Variants in ATP5ME observed in about 807,000 individuals in gnomAD.
ATP5ME encodes the protein ATP synthase F(0) complex subunit e, mitochondrial.
Under a neutral mutation model 11.6 loss-of-function variants are expected in ATP5ME, and 10 were observed. The ratio of observed to expected loss-of-function variants is 0.86; its 90% CI spans 0.53 to 1.46. The LOEUF (loss-of-function observed/expected upper bound fraction) is 1.46, where lower values mean the gene tolerates loss of function less well. Among genes scored for constraint, ATP5ME ranks in the 40% most tolerant of loss-of-function variants. The pLI, the probability that ATP5ME is intolerant of heterozygous loss-of-function variation, is 0.00. For synonymous variants in ATP5ME, 45 were observed against 33.5 expected (o/e 1.34, Z -1.19); for missense variants, 115 against 85.4 (o/e 1.35, Z -1.37).
chr4:673,359 G>A lies in ATP5ME; in HGVS notation c.134C>T (p.Ala45Val). The A allele has an allele frequency of 4.3e-6, 7 of 1,614,148 alleles. No individual in the cohort carries two copies. In the East Asian group the frequency reaches 1.6e-4, roughly 36 times the overall value. ...PRAEEERRIA[A>V]EEKKKQDELK... The stretch of plus-strand genomic sequence containing the variant: ...TTCATCCTGCTTCTTCTTCTCTTCT[G>A]CTGCTATCCTCCTCTCCTCTTCTGC... The change falls in exon 3 of 4, where the codon GCA (alanine) becomes GTA (valine). Residue 45 changes from alanine (A) to valine (V), a missense_variant. Ala to Val is a moderately conservative substitution (Grantham distance 64). Coordinates refer to ENST00000304312, the MANE Select transcript of ATP5ME (RefSeq NM_007100.4).
intron 2 of ATP5ME, 143 bp downstream of exon 2, chr4:673,769 G>T (rs1577321486): frequency 1.7e-6 from 2 of 1,205,608 alleles, no homozygotes. Flanking sequence ...TCCACTATCG[G>T]GGTCACGCTC....
chr4:672,592 A>T, intron 3 of ATP5ME, 73 bp from the exon 4 acceptor site: 1 of 1,311,832 alleles, frequency 7.6e-7, no homozygotes, highest in Non-Finnish European at 1.1e-6. Context: ...TCAGCTTCCC[A>T]GTTATTTTTT....
chr4:673,442 G>A (rs1256185933), intron 2 of ATP5ME, 41 bp from the exon 3 acceptor site: 1 of 1,613,454 alleles, frequency 6.2e-7, no homozygotes, highest in Non-Finnish European at 8.5e-7. Context: ...CACTGGAAAT[G>A]CTGTACAAAA....
intron 1 of ATP5ME, 36 bp downstream of exon 1, chr4:674,176 C>A: frequency 1.2e-6 from 2 of 1,606,940 alleles, no homozygotes; most frequent in Non-Finnish European, 8.5e-7. Context: ...CGGGGGGGCC[C>A]AGAGCACTGG....
intron 1 of ATP5ME, 107 bp from the exon 2 acceptor site, chr4:674,073 G>A: frequency 6.9e-7 from 1 of 1,458,456 alleles, no homozygotes; most frequent in Non-Finnish European, 9.2e-7. Context: ...GAGGGGTGGG[G>A]GTCCGGTCGC....
intron 1 of ATP5ME, 64 bp downstream of exon 1, chr4:674,148 G>A: frequency 1.3e-6 from 2 of 1,539,218 alleles, no homozygotes; most frequent in Admixed American, 3.7e-5. Flanking sequence ...CGCGGGGTCG[G>A]AGCTGCGGGG....
At chr4:672,629 A>C in intron 3 of ATP5ME, 110 bp from the exon 4 acceptor site, 3 of 1,226,756 alleles carry the variant, frequency 2.4e-6, no homozygotes, top group Admixed American at 5.1e-5. Flanking sequence ...TTTGAGACGG[A>C]GTCTCGCTCT....
At position 673,359 on chromosome 4, in the gene ATP5ME, G is replaced by GCTGCTATCCTCCTCTCCTC. The variant is rs1738616564; in HGVS notation, c.115_133dup (p.Ala45GlyfsTer15). 2 of 1,614,030 alleles carry GCTGCTATCCTCCTCTCCTC rather than the reference G, an allele frequency of 1.2e-6. No homozygotes were observed. The highest frequency in any genetic ancestry group is 3.3e-5 in the Admixed American group (2 of 60,000). On this transcript the variant is annotated frameshift_variant, in exon 3 of 4. Transcript: ENST00000304312. LOFTEE classifies it high-confidence loss of function. ...TTCATCCTGCTTCTTCTTCTCTTCT[G>GCTGCTATCCTCCTCTCCTC]CTGCTATCCTCCTCTCCTCTTCTGC...
chr4:673,541 A>G lies in ATP5ME; in HGVS notation c.92-140T>C, dbSNP rs1001512894. ...CCGCTCTTTATGTTAATGCGAGTCAACGCCTGACCTTCACCCTGACGAGTC... is the reference window on the plus strand; with the variant it reads ...CCGCTCTTTATGTTAATGCGAGTCAGCGCCTGACCTTCACCCTGACGAGTC... On this transcript the variant is annotated intron_variant, in intron 2 of 3. Transcript: ENST00000304312. The G allele has an allele frequency of 7.7e-6, 11 of 1,436,826 alleles. No individual in the cohort carries two copies. The African/African-American group carries it at 9.9e-5, about 13-fold the overall frequency. The allele number at this position is 1,436,826 out of a possible 1,614,324, so 89.0% of individuals were successfully genotyped here.
intron 1 of ATP5ME, 54 bp downstream of exon 1, chr4:674,158 G>A: frequency 6.3e-7 from 1 of 1,585,108 alleles, no homozygotes. Context: ...GAGCTGCGGG[G>A]CGGGACACGG....
intron 1 of ATP5ME, 117 bp from the exon 2 acceptor site, chr4:674,083 C>T: frequency 8.1e-7 from 1 of 1,241,686 alleles, no homozygotes; most frequent in Non-Finnish European, 1.1e-6. Flanking sequence ...GGTCCGGTCG[C>T]CGGGCGAGGG....
Position 673,355 on chromosome 4 carries a change from T to G in ATP5ME, c.138A>C (p.Glu46Asp). Residue 46 changes from glutamate (E) to aspartate (D), a missense_variant, in exon 3 of 4, where the codon GAA (glutamate) becomes GAC (aspartate). By Grantham distance (45) the Glu-to-Asp change is conservative. Transcript: ENST00000304312. Reference sequence around the variant, plus strand: ...TCAGTTCATCCTGCTTCTTCTTCTCTTCTGCTGCTATCCTCCTCTCCTCTT... The same window carrying G: ...TCAGTTCATCCTGCTTCTTCTTCTCGTCTGCTGCTATCCTCCTCTCCTCTT... ...RAEEERRIAA[E>D]EKKKQDELKR... The G allele has an allele frequency of 1.2e-6, 2 of 1,614,200 alleles. No homozygotes were observed. The highest frequency in any genetic ancestry group is 1.7e-6 in the Non-Finnish European group (2 of 1,180,004).
chr4:673,327 G>T lies in ATP5ME; in HGVS notation c.166C>A (p.Arg56=). The change falls in exon 3 of 4, where the codon CGG becomes AGG. Residue 56 remains arginine (R), a synonymous_variant. Transcript: ENST00000304312. ...CCTTCTGCCAATTCTCTGGCAATCC[G>T]TTTCAGTTCATCCTGCTTCTTCTTC... ...EEKKKQDELK[R]IARELAEDDS... is the part of the protein sequence containing the mutation. 6.2e-7 allele frequency: 1 copy of T among 1,614,176 alleles called. No homozygotes were observed. Among genetic ancestry groups the T allele is most frequent in the Non-Finnish European group, 8.5e-7 (1 of 1,180,012 alleles).
intron 2 of ATP5ME, 147 bp from the exon 3 acceptor site, chr4:673,548 A>C: frequency 7.1e-7 from 1 of 1,407,446 alleles, no homozygotes; most frequent in Non-Finnish European, 9.6e-7. Context: ...TCAACGCCTG[A>C]CCTTCACCCT....
intron 2 of ATP5ME, 62 bp from the exon 3 acceptor site, chr4:673,463 C>G: frequency 3.1e-6 from 5 of 1,611,656 alleles, no homozygotes; most frequent in Non-Finnish European, 4.2e-6. Flanking sequence ...GGAACTGAGT[C>G]CACAGGTCAA....
intron 1 of ATP5ME, 121 bp downstream of exon 1, chr4:674,091 G>C: frequency 6.8e-7 from 1 of 1,463,428 alleles, no homozygotes. Flanking sequence ...CGCCGGGCGA[G>C]GGTCACGGGG....
rs764873395 is a variant in ATP5ME at position 673,521 on chromosome 4, C to G, written c.92-120G>C. 1.4e-5 allele frequency: 22 copies of G among 1,528,316 alleles called. No individual in the cohort carries two copies. The South Asian group carries it at 2.4e-4, about 16-fold the overall frequency. The allele number at this position is 1,528,316 out of a possible 1,614,324, so 94.7% of individuals were successfully genotyped here. A position where few individuals can be genotyped will look rare whatever the true frequency, so the allele number is the denominator to read the frequency against. On this transcript the variant is annotated intron_variant, in intron 2 of 3. Transcript: ENST00000304312. ...ACCAGACGCACCTGCTGTTCCCGCT[C>G]TTTATGTTAATGCGAGTCAACGCCT...
In ATP5ME at chr4:673,342, G is replaced by A; in HGVS notation, c.151C>T (p.Gln51Ter). 1 of 1,614,150 alleles carries A rather than the reference G, an allele frequency of 6.2e-7. No individual in the cohort carries two copies. The highest frequency in any genetic ancestry group is 8.5e-7 in the Non-Finnish European group (1 of 1,180,018). ...CTGGCAATCCGTTTCAGTTCATCCT[G>A]CTTCTTCTTCTCTTCTGCTGCTATC... ...RRIAAEEKKK[Q>*]DELKRIAREL... Residue 51 changes from glutamine to a stop codon, truncating the protein, a stop_gained, in exon 3 of 4, where the codon CAG becomes TAG. Coordinates refer to ENST00000304312, the MANE Select transcript of ATP5ME (RefSeq NM_007100.4). LOFTEE classifies it high-confidence loss of function.
At chr4:672,649 T>C (rs542201283) in intron 3 of ATP5ME, 130 bp from the exon 4 acceptor site, 12 of 1,031,882 alleles carry the variant, frequency 1.2e-5, no homozygotes, top group Non-Finnish European at 1.5e-5. Flanking sequence ...TGTCACCCAA[T>C]GGCGCAATCT....
Sources: gnomAD v4.1 joint callset for allele counts on GRCh38, gnomAD v4.1.1 for gene constraint, MANE v1.5 for transcripts, NCBI Gene and HGNC (gene_info 2026-07-23, HGNC 2026-07-21) for gene names.